The following GRIA1 variants were observed in gnomAD, a reference collection of about 807,000 sequenced individuals.
The protein encoded by GRIA1 is glutamate receptor 1.
Under a neutral mutation model 99.2 loss-of-function variants are expected in GRIA1, and 31 were observed. That is an observed-to-expected ratio of 0.31 (90% CI 0.23 to 0.42). The LOEUF (loss-of-function observed/expected upper bound fraction) is 0.42, where lower values mean the gene tolerates loss of function less well. Among genes scored for constraint, GRIA1 ranks in the 10% least tolerant of loss-of-function variants. The probability of loss-of-function intolerance (pLI) is 1.00; values close to 1 mark genes in which losing one functional copy is unlikely to be tolerated. For missense variants in GRIA1, 782 were observed against 1,157.5 expected, an observed-to-expected ratio of 0.68 and a Z score of 4.71; for synonymous variants, 438 against 432.4, an observed-to-expected ratio of 1.01 and a Z score of -0.16.
At chr5:153,550,345 G>A (rs1760022821) in intron 2 of GRIA1, among the ~76,000 whole-genome samples, 1 of 151,924 alleles carries the variant, frequency 6.6e-6, no homozygotes, top group South Asian at 2.1e-4. Flanking sequence ...GAATGGGAGA[G>A]GCTAACAGTA....
chr5:153,650,960 A>G (rs1476916564), intron 4 of GRIA1, among the ~76,000 whole-genome samples: 1 of 151,150 alleles, frequency 6.6e-6, no homozygotes, highest in Non-Finnish European at 1.5e-5. Flanking sequence ...AATCCCAGCT[A>G]CTCAGGAGGG....
chr5:153,668,930 A>G (rs1233174037), intron 5 of GRIA1, among the ~76,000 whole-genome samples: 2 of 152,232 alleles, frequency 1.3e-5, no homozygotes, highest in African/African-American at 4.8e-5. Context: ...TCCTAAAGCT[A>G]AAGTCATATG....
rs1366069876 is a variant in GRIA1, at chr5:153,770,267, A to G, written c.2122A>G (p.Arg708Gly). Reference sequence around the variant, plus strand: ...CACAGAGGAGGGGATGATTCGAGTGAGGAAATCCAAAGGCAAATATGCCTA... The same window carrying G: ...CACAGAGGAGGGGATGATTCGAGTGGGGAAATCCAAAGGCAAATATGCCTA... ...RTTEEGMIRV[R>G]KSKGKYAYLL... Residue 708 changes from arginine to glycine, a missense_variant, in exon 13 of 16, where the codon AGG (arginine) becomes GGG (glycine). By Grantham distance (125) the Arg-to-Gly change is moderately radical (BLOSUM62 -2). Around this residue, in one of 5 missense-constraint regions of GRIA1, gnomAD observed 119 missense variants for 326.6 expected, o/e 0.36. Coordinates refer to ENST00000285900, the MANE Select transcript of GRIA1 (RefSeq NM_000827.4). The G allele has an allele frequency of 6.2e-7, 1 of 1,614,064 alleles. No individual in the cohort carries two copies. Among genetic ancestry groups the G allele is most frequent in the Admixed American group, 1.7e-5 (1 of 60,012 alleles).
At chr5:153,640,363 A>G (rs561543187) in intron 2 of GRIA1, among the ~76,000 whole-genome samples, 1 of 152,356 alleles carries the variant, frequency 6.6e-6, no homozygotes, top group South Asian at 2.1e-4. Flanking sequence ...ATCCAAAACC[A>G]AAGTGAAATG....
At chr5:153,627,742 T>A (rs911789721) in intron 2 of GRIA1, among the ~76,000 whole-genome samples, 2 of 152,112 alleles carry the variant, frequency 1.3e-5, no homozygotes, top group Non-Finnish European at 2.9e-5. Context: ...ACACAGGAAT[T>A]CCTGACCCTT....
At chr5:153,734,627 A>G (rs1295427160) in intron 11 of GRIA1, among the ~76,000 whole-genome samples, 1 of 152,222 alleles carries the variant, frequency 6.6e-6, no homozygotes, top group Non-Finnish European at 1.5e-5. Flanking sequence ...TCAGACAATT[A>G]CAATGTATTG....
In GRIA1 at chr5:153,657,172, T is replaced by C. The variant is rs1289818135; in HGVS notation, c.699+1300T>C. On this transcript the variant is annotated intron_variant, in intron 5 of 15. Transcript: ENST00000285900. ...GAATAATGCTGCTATAAAATATTAGTGTACAAGATTTTCACTTTAATATAT... is the reference window on the plus strand; with the variant it reads ...GAATAATGCTGCTATAAAATATTAGCGTACAAGATTTTCACTTTAATATAT... Among the ~76,000 whole-genome samples the C allele has an allele frequency of 5.9e-5, 9 of 152,342 alleles. No homozygotes were observed. In the East Asian group the frequency reaches 1.7e-3, roughly 29 times the overall value.
intron 15 of GRIA1, among the ~76,000 whole-genome samples, chr5:153,806,097 T>C (rs1766407917): frequency 6.6e-6 from 1 of 152,222 alleles, no homozygotes; most frequent in Non-Finnish European, 1.5e-5. Context: ...TCTTTATTTT[T>C]CTGTGCTTAG....
chr5:153,801,712 G>C (rs1252745281), intron 14 of GRIA1, among the ~76,000 whole-genome samples: 1 of 152,114 alleles, frequency 6.6e-6, no homozygotes, highest in African/African-American at 2.4e-5. Flanking sequence ...TTCTATCTCA[G>C]AGCCTTTTTA....
chr5:153,552,138 G>GTAGCA (rs1760205742), intron 2 of GRIA1, among the ~76,000 whole-genome samples: 1 of 151,784 alleles, frequency 6.6e-6, no homozygotes, highest in South Asian at 2.1e-4. Context: ...GATTTTATGT[G>GTAGCA]TAGCATAACT....
intron 2 of GRIA1, among the ~76,000 whole-genome samples, chr5:153,581,300 A>C (rs889719341): frequency 3.3e-5 from 5 of 152,258 alleles, no homozygotes; most frequent in Admixed American, 1.3e-4. Flanking sequence ...CTGTTTAAAC[A>C]TTCTATCATG....
intron 2 of GRIA1, among the ~76,000 whole-genome samples, chr5:153,627,176 A>G (rs562473040): frequency 6.6e-6 from 1 of 152,346 alleles, no homozygotes; most frequent in South Asian, 2.1e-4. Flanking sequence ...ATATAGCCTC[A>G]GATAACTGCA....
intron 11 of GRIA1, among the ~76,000 whole-genome samples, chr5:153,741,607 T>A (rs1474227017): frequency 1.3e-5 from 2 of 152,168 alleles, no homozygotes; most frequent in Admixed American, 6.5e-5. Context: ...TACAACAACA[T>A]GGATGAACCT....
intron 13 of GRIA1, among the ~76,000 whole-genome samples, chr5:153,775,711 T>C (rs1342797678): frequency 4.7e-5 from 7 of 148,036 alleles, no homozygotes; most frequent in Non-Finnish European, 1.0e-4. Context: ...ATTATGTAGA[T>C]ACCTATTATC....
At chr5:153,514,192 T>A (rs1756383626) in intron 2 of GRIA1, among the ~76,000 whole-genome samples, 1 of 152,240 alleles carries the variant, frequency 6.6e-6, no homozygotes. Context: ...ACCCATCATG[T>A]TGTGATGCGT....
rs200057108 is a variant in GRIA1 at position 153,813,437 on chromosome 5, G to C, written c.*2212G>C. 6.6e-6 allele frequency: 1 copy of C among 152,234 alleles called. No individual in the cohort carries two copies. The highest frequency in any genetic ancestry group is 1.9e-4 in the East Asian group (1 of 5,196). The allele number at this position is 152,234 out of a possible 1,614,324, so 9.4% of individuals were successfully genotyped here. A position where few individuals can be genotyped will look rare whatever the true frequency, so the allele number is the denominator to read the frequency against. ...AACATGAGCGGATAAAAAGAGACTT[G>C]TTTGTGCTAGAAATGAGGGTCTATG... On this transcript the variant is annotated 3_prime_UTR_variant, in exon 16 of 16. Coordinates refer to ENST00000285900, the MANE Select transcript of GRIA1 (RefSeq NM_000827.4).
intron 13 of GRIA1, among the ~76,000 whole-genome samples, chr5:153,775,639 G>A (rs924295097): frequency 1.3e-5 from 2 of 152,002 alleles, no homozygotes; most frequent in Admixed American, 1.3e-4. Context: ...GCAGGGAATG[G>A]CAGTGAGAGA....
intron 1 of GRIA1, among the ~76,000 whole-genome samples, chr5:153,493,175 CT>C (rs1298895405): frequency 1.3e-5 from 2 of 152,212 alleles, no homozygotes; most frequent in Non-Finnish European, 2.9e-5. Context: ...TTTGTATCCT[CT>C]TGAGATGCCT....
intron 2 of GRIA1, among the ~76,000 whole-genome samples, chr5:153,595,386 A>AACCG: frequency 6.6e-6 from 1 of 152,188 alleles, no homozygotes; most frequent in Non-Finnish European, 1.5e-5. Flanking sequence ...TTAATGAACC[A>AACCG]ATACTAATAC....
Sources: gnomAD v4.1 joint callset for allele counts (sites outside exome capture counted in the v4.1 genomes callset) on GRCh38, gnomAD v4.1.1 for gene constraint, gnomAD v4.1.1 regional missense constraint, MANE v1.5 for transcripts, NCBI Gene and HGNC (gene_info 2026-07-23, HGNC 2026-07-21) for gene names.